RSF1: variants seen among roughly 807,000 people sequenced by gnomAD.
RSF1 encodes the protein remodeling and spacing factor 1.
Under a neutral mutation model 145.2 loss-of-function variants are expected in RSF1, and 13 were observed. The observed-to-expected ratio is 0.09, with a 90% CI of 0.06 to 0.14. The LOEUF (loss-of-function observed/expected upper bound fraction) is 0.14. RSF1 is among the 10% of genes least tolerant of loss of function. The pLI, the probability that RSF1 is intolerant of heterozygous loss-of-function variation, is 1.00. For missense variants in RSF1, 1,517 were observed against 1,718.2 expected (o/e 0.88, Z 2.07); for synonymous variants, 577 against 592.6 (o/e 0.97, Z 0.38).
chr11:77,702,112 T>C lies in RSF1; in HGVS notation c.1117A>G (p.Lys373Glu). The C allele has an allele frequency of 1.2e-6, 2 of 1,611,936 alleles. No homozygotes were observed. ...TTGGCCTGCTGGTCATTTTTAAGTT[T>C]CTCAGTTTCTTCAGTAGATTTCTCA... The part of the protein sequence containing the change: ...ITEKSTEETE[K>E]LKNDQQAKIP... The change falls in exon 6 of 16, where the codon AAA (lysine) becomes GAA (glutamate). Residue 373 changes from lysine (K) to glutamate (E), a missense_variant. Coordinates refer to ENST00000308488, the MANE Select transcript of RSF1 (RefSeq NM_016578.4).
intron 4 of RSF1, among the ~76,000 whole-genome samples, chr11:77,732,965 G>A (rs1023998753): frequency 4.6e-5 from 7 of 152,086 alleles, no homozygotes; most frequent in Non-Finnish European, 8.8e-5. Flanking sequence ...TAGTTTCATA[G>A]GTCATCCCTT....
chr11:77,700,349 CAAAAAAAA>C (rs71046906), intron 6 of RSF1, among the ~76,000 whole-genome samples: 9 of 47,196 alleles, frequency 1.9e-4, no homozygotes, highest in Non-Finnish European at 3.0e-4. Context: ...GACTGTCTCA[CAAAAAAAA>C]AAAAAAAAAA....
At position 77,664,313 on chromosome 11, in the gene RSF1, G is replaced by A. The variant is rs1182329021; in HGVS notation, c.*2604C>T. The A allele has an allele frequency of 6.6e-6, 1 of 152,066 alleles. No individual in the cohort carries two copies. Among genetic ancestry groups the A allele is most frequent in the Non-Finnish European group, 1.5e-5 (1 of 68,012 alleles). 9.4% of individuals were successfully genotyped at this position (152,066 alleles called of 1,614,324 possible). A position where few individuals can be genotyped will look rare whatever the true frequency, so the allele number is the denominator to read the frequency against. ...GTTAATTGATTTAATCAAAATATAA[G>A]GTGAGAAGGGGTACATTCACTATCA... On this transcript the variant is annotated 3_prime_UTR_variant, in exon 16 of 16. Transcript: ENST00000308488.
rs190146315 is a variant in RSF1, at chr11:77,710,335, C to T, written c.734-7840G>A. On this transcript the variant is annotated intron_variant, in intron 5 of 15. Coordinates refer to ENST00000308488, the MANE Select transcript of RSF1 (RefSeq NM_016578.4). ...AATCTATTTGGCAATTTTAGGCATA[C>T]GGTGTTATTAACTAGTCACCACATA... is the stretch of plus-strand genomic sequence containing the variant. Among the ~76,000 whole-genome samples the T allele has an allele frequency of 5.9e-3, 902 of 152,128 alleles. 1 individual carries two copies. Among genetic ancestry groups the T allele is most frequent in the Non-Finnish European group, 8.8e-3 (597 of 67,990 alleles).
intron 2 of RSF1, among the ~76,000 whole-genome samples, chr11:77,748,545 G>A (rs1345102769): frequency 6.6e-6 from 1 of 152,000 alleles, no homozygotes; most frequent in Non-Finnish European, 1.5e-5. Context: ...GAAAAAAAAG[G>A]ATATACAGAA....
intron 5 of RSF1, among the ~76,000 whole-genome samples, chr11:77,706,250 A>G (rs1220582672): frequency 6.6e-6 from 1 of 151,830 alleles, no homozygotes; most frequent in African/African-American, 2.4e-5. Context: ...CAAAAAAAAA[A>G]AAAAAAAAAA....
At chr11:77,872,128 T>TG in the RSF1 span, 3 of 1,587,396 alleles carry the variant, frequency 1.9e-6, no homozygotes, top group East Asian at 2.2e-5. Context: ...AAGGAACCCC[T>TG]GGGGGGCCTT....
intron 1 of RSF1, among the ~76,000 whole-genome samples, chr11:77,781,623 T>TCAAAAATCCTCAAAAAAA (rs1454971465): frequency 5.9e-5 from 9 of 152,350 alleles, no homozygotes; most frequent in Admixed American, 1.3e-4. Flanking sequence ...TCAAAAACAC[T>TCAAAAATCCTCAAAAAAA]TGAGGTGTCA....
intron 1 of RSF1, among the ~76,000 whole-genome samples, chr11:77,816,313 C>T (rs764669211): frequency 4.6e-5 from 7 of 152,214 alleles, no homozygotes; most frequent in African/African-American, 7.2e-5. Flanking sequence ...TTACAGTAAT[C>T]ACCTTTCCAC....
At chr11:77,812,797 G>A (rs1415118446) in intron 1 of RSF1, among the ~76,000 whole-genome samples, 2 of 151,206 alleles carry the variant, frequency 1.3e-5, no homozygotes, top group African/African-American at 4.9e-5. Flanking sequence ...GGCTGAAGCA[G>A]GAGAATCACT....
intron 5 of RSF1, chr11:77,702,806 C>A (rs772788735): frequency 5.2e-6 from 1 of 194,018 alleles, no homozygotes; most frequent in Non-Finnish European, 1.0e-5. Flanking sequence ...CAAGAGATGG[C>A]TTAAAAACAT....
intron 8 of RSF1, among the ~76,000 whole-genome samples, chr11:77,692,897 C>T (rs190072578): frequency 6.6e-6 from 1 of 151,988 alleles, no homozygotes; most frequent in African/African-American, 2.4e-5. Context: ...AGGATGGTCT[C>T]GATCTCTTGA....
At chr11:77,709,733 T>C (rs926702363) in intron 5 of RSF1, among the ~76,000 whole-genome samples, 1 of 152,088 alleles carries the variant, frequency 6.6e-6, no homozygotes. Context: ...AGAGACAATG[T>C]CTTGCTCTGT....
intron 1 of RSF1, among the ~76,000 whole-genome samples, chr11:77,781,062 A>C (rs1033871849): frequency 1.6e-4 from 24 of 151,882 alleles, no homozygotes; most frequent in Admixed American, 9.2e-4. Context: ...AATTTATAAA[A>C]ATTTGGTCAT....
chr11:77,848,095 C>T, the RSF1 span, among the ~76,000 whole-genome samples: 2 of 152,220 alleles, frequency 1.3e-5, no homozygotes, highest in Admixed American at 1.3e-4. Context: ...CATAGACATT[C>T]TCACAGACAA....
At position 77,692,233 on chromosome 11, in the gene RSF1, A is replaced by ATTTTTTTTTTTTTTTTTTTT. The variant is rs71046904; in HGVS notation, c.2821-1015_2821-996dup. Among the ~76,000 whole-genome samples the ATTTTTTTTTTTTTTTTTTTT allele has an allele frequency of 2.6e-4, 13 of 49,476 alleles. 2 individuals carry two copies. Among genetic ancestry groups the ATTTTTTTTTTTTTTTTTTTT allele is most frequent in the Non-Finnish European group, 3.9e-4 (12 of 30,692 alleles). The allele number at this position is 49,476 out of a possible 152,430, so 32.5% of individuals were successfully genotyped here. A position where few individuals can be genotyped will look rare whatever the true frequency, so the allele number is the denominator to read the frequency against. Reference sequence around the variant, plus strand: ...AAAAAATAATTATTACTACTTTTAAATTTTTTTTTTTTTTTTTTTTTTTTT... The same window carrying ATTTTTTTTTTTTTTTTTTTT: ...AAAAAATAATTATTACTACTTTTAAATTTTTTTTTTTTTTTTTTTTTTTTTTTTTTTTTTTTTTTTTTTTT... On this transcript the variant is annotated intron_variant, in intron 8 of 15. Coordinates refer to ENST00000308488, the MANE Select transcript of RSF1 (RefSeq NM_016578.4).
intron 1 of RSF1, among the ~76,000 whole-genome samples, chr11:77,789,706 G>A (rs1312441599): frequency 6.6e-6 from 1 of 152,180 alleles, no homozygotes; most frequent in African/African-American, 2.4e-5. Context: ...CCAGGGCCTG[G>A]GGAATGCCCC....
At chr11:77,832,783 T>C in the RSF1 span, among the ~76,000 whole-genome samples, 37 of 151,832 alleles carry the variant, frequency 2.4e-4, no homozygotes, top group Non-Finnish European at 4.1e-4. Flanking sequence ...TATAGTGATG[T>C]TGTCAAAGAA....
At chr11:77,796,361 C>G (rs999181146) in intron 1 of RSF1, among the ~76,000 whole-genome samples, 2 of 152,188 alleles carry the variant, frequency 1.3e-5, no homozygotes, top group Non-Finnish European at 2.9e-5. Context: ...TCAACATACA[C>G]AAGTCAATAA....
Sources: gnomAD v4.1 joint callset for allele counts (sites outside exome capture counted in the v4.1 genomes callset) on GRCh38, gnomAD v4.1.1 for gene constraint, MANE v1.5 for transcripts, NCBI Gene and HGNC (gene_info 2026-07-23, HGNC 2026-07-21) for gene names.